TAFA2: variants seen among roughly 807,000 people sequenced by gnomAD.
TAFA2 encodes the protein chemokine-like protein TAFA-2.
TAFA2 carries 7 observed loss-of-function variants against 18.8 expected under a neutral mutation model. The observed-to-expected ratio is 0.37, with a 90% CI of 0.21 to 0.70. TAFA2 has a LOEUF of 0.70. TAFA2 is among the 30% of genes least tolerant of loss of function. The pLI is 0.53. For synonymous variants in TAFA2, 60 were observed against 54.2 expected (o/e 1.11, Z -0.47); for missense variants, 122 against 158.1 (o/e 0.77, Z 1.23).
At chr12:62,145,693 T>C (rs1027124580) in intron 1 of TAFA2, 2 of 152,248 alleles carry the variant, frequency 1.3e-5, no homozygotes, top group African/African-American at 4.8e-5. Flanking sequence ...AATGGCACTA[T>C]CTACCACTAG....
chr12:62,221,385 A>G (rs903178810), intron 1 of TAFA2, among the ~76,000 whole-genome samples: 2 of 152,162 alleles, frequency 1.3e-5, no homozygotes, highest in Non-Finnish European at 2.9e-5. Context: ...TATTAGACCA[A>G]CCAACTGATT....
chr12:61,779,550 C>A (rs1393020823), intron 2 of TAFA2, among the ~76,000 whole-genome samples: 1 of 151,810 alleles, frequency 6.6e-6, no homozygotes, highest in African/African-American at 2.4e-5. Context: ...CTGCTAAAGC[C>A]TACCTTTGCT....
intron 1 of TAFA2, among the ~76,000 whole-genome samples, chr12:62,002,439 G>T (rs1438963138): frequency 6.6e-6 from 1 of 152,100 alleles, no homozygotes; most frequent in African/African-American, 2.4e-5. Flanking sequence ...AATGGGCCTA[G>T]CTACAAGTGA....
At chr12:61,749,993 C>CCCCACACA (rs1555161293) in intron 4 of TAFA2, among the ~76,000 whole-genome samples, 25 of 148,880 alleles carry the variant, frequency 1.7e-4, no homozygotes, top group African/African-American at 5.4e-4. Flanking sequence ...TCAAAACACC[C>CCCCACACA]CACACACACA....
intron 1 of TAFA2, among the ~76,000 whole-genome samples, chr12:61,969,775 T>G (rs1879185060): frequency 6.6e-6 from 1 of 151,736 alleles, no homozygotes; most frequent in South Asian, 2.1e-4. Context: ...AATACACGTT[T>G]GAACTTGGTC....
intron 2 of TAFA2, among the ~76,000 whole-genome samples, chr12:61,773,778 C>T (rs1392670106): frequency 6.6e-6 from 1 of 152,008 alleles, no homozygotes; most frequent in Non-Finnish European, 1.5e-5. Flanking sequence ...AAAAACCCTT[C>T]TAGACATTGG....
intron 1 of TAFA2, among the ~76,000 whole-genome samples, chr12:62,064,956 T>C (rs978725970): frequency 6.6e-6 from 1 of 152,058 alleles, no homozygotes. Context: ...TATGTTTCTC[T>C]AAGGCATCAA....
chr12:61,970,177 C>CA (rs1325617480), intron 1 of TAFA2, among the ~76,000 whole-genome samples: 1 of 147,660 alleles, frequency 6.8e-6, no homozygotes, highest in Non-Finnish European at 1.5e-5. Flanking sequence ...ACACTAAGAG[C>CA]AAAAAAGAAT....
chr12:61,917,264 C>T (rs2121356389), intron 1 of TAFA2, among the ~76,000 whole-genome samples: 1 of 152,258 alleles, frequency 6.6e-6, no homozygotes, highest in South Asian at 2.1e-4. Flanking sequence ...ACAAAACTGT[C>T]CCTATGAATC....
At chr12:61,895,158 T>C (rs1366132664) in intron 1 of TAFA2, among the ~76,000 whole-genome samples, 1 of 152,092 alleles carries the variant, frequency 6.6e-6, no homozygotes, top group African/African-American at 2.4e-5. Flanking sequence ...CACGGATGGA[T>C]GTATGGATGT....
intron 1 of TAFA2, among the ~76,000 whole-genome samples, chr12:62,257,201 T>TGTGTGTGA (rs1565789942): frequency 4.3e-5 from 5 of 115,068 alleles, no homozygotes; most frequent in African/African-American, 1.6e-4. Flanking sequence ...TGTGTGTGTG[T>TGTGTGTGA]GATTTGCTAA....
chr12:62,127,365 T>C (rs1447786976), intron 1 of TAFA2, among the ~76,000 whole-genome samples: 1 of 152,048 alleles, frequency 6.6e-6, no homozygotes, highest in African/African-American at 2.4e-5. Context: ...GCAGGTATAA[T>C]AAACCTTTAT....
intron 2 of TAFA2, among the ~76,000 whole-genome samples, chr12:61,828,085 A>G (rs1872588807): frequency 6.6e-6 from 1 of 151,972 alleles, no homozygotes; most frequent in East Asian, 1.9e-4. Flanking sequence ...AGTAATGGCA[A>G]CAGAAAGTTC....
chr12:61,821,784 G>C (rs537574261), intron 2 of TAFA2, among the ~76,000 whole-genome samples: 23 of 152,190 alleles, frequency 1.5e-4, no homozygotes, highest in Admixed American at 5.9e-4. Flanking sequence ...CTCAAAACTT[G>C]TTCCAAAAAC....
chr12:62,020,566 G>A (rs1290757686), intron 1 of TAFA2, among the ~76,000 whole-genome samples: 1 of 152,162 alleles, frequency 6.6e-6, no homozygotes, highest in Admixed American at 6.5e-5. Flanking sequence ...ACTGGGATAT[G>A]GACAGGGAGT....
intron 1 of TAFA2, among the ~76,000 whole-genome samples, chr12:62,079,296 T>A (rs767070018): frequency 3.3e-5 from 5 of 152,064 alleles, no homozygotes; most frequent in Non-Finnish European, 7.4e-5. Flanking sequence ...TATCAATTAA[T>A]TGCAAATTAG....
chr12:61,922,607 C>G (rs530067649), intron 1 of TAFA2, among the ~76,000 whole-genome samples: 62 of 152,302 alleles, frequency 4.1e-4, no homozygotes, highest in African/African-American at 1.5e-3. Flanking sequence ...ACCCGCAGAC[C>G]AGGAGATTCC....
Position 61,728,069 on chromosome 12 carries a change from T to G in TAFA2, c.385-17652A>C, listed in dbSNP as rs142945496. On this transcript the variant is annotated intron_variant, in intron 4 of 4. Coordinates refer to ENST00000416284, the MANE Select transcript of TAFA2 (RefSeq NM_178539.5). The stretch of plus-strand genomic sequence containing the variant: ...TTTTTCAGTCGATGTGCAGTTTTAT[T>G]CCACTGTGGTCAGAGAGAGTACTTG... Among the ~76,000 whole-genome samples the G allele has an allele frequency of 5.6e-3, 846 of 151,294 alleles. 7 individuals carry two copies. Among genetic ancestry groups the G allele is most frequent in the African/African-American group, 0.02 (804 of 41,208 alleles).
intron 1 of TAFA2, chr12:62,021,601 G>C: frequency 1.0e-6 from 1 of 991,948 alleles, no homozygotes; most frequent in East Asian, 2.4e-5. Flanking sequence ...GACGGCAGGC[G>C]GTTCTGGCTT....
Sources: allele counts gnomAD v4.1 joint callset (sites outside exome capture counted in the v4.1 genomes callset), GRCh38; gene constraint gnomAD v4.1.1; transcripts MANE v1.5; gene names NCBI Gene and HGNC (gene_info 2026-07-23, HGNC 2026-07-21).